Variants in ERICH1 observed in about 807,000 individuals in gnomAD.
ERICH1 encodes the protein glutamate-rich protein 1.
ERICH1 carries 56 observed loss-of-function variants against 39.6 expected under a neutral mutation model. The ratio of observed to expected loss-of-function variants is 1.41; its 90% CI spans 1.14 to 1.77. The LOEUF (loss-of-function observed/expected upper bound fraction) is 1.77, where lower values mean the gene tolerates loss of function less well. Among genes scored for constraint, ERICH1 ranks in the 40% most tolerant of loss-of-function variants. The pLI, the probability that ERICH1 is intolerant of heterozygous loss-of-function variation, is 0.00. For missense variants in ERICH1, 826 were observed against 575.4 expected (o/e 1.44, Z -4.45); for synonymous variants, 313 against 223.6 (o/e 1.40, Z -3.57).
rs139007476 is a variant in ERICH1, at chr8:681,379, C to G, written c.305-7332G>C. Among the ~76,000 whole-genome samples the G allele has an allele frequency of 3.8e-4, 58 of 152,354 alleles. 2 individuals are homozygous for G. In the East Asian group the frequency reaches 9.1e-3, roughly 24 times the overall value. The stretch of plus-strand genomic sequence containing the variant: ...CTGTCTTATTTAAAACACGTGCCTG[C>G]ATTTGTGGTGAGACATACCCAGCAG... On this transcript the variant is annotated intron_variant, in intron 3 of 5. Coordinates refer to ENST00000262109, the MANE Select transcript of ERICH1 (RefSeq NM_207332.3).
chr8:651,396 A>G (rs2117322111), intron 3 of ERICH1, among the ~76,000 whole-genome samples: 1 of 152,348 alleles, frequency 6.6e-6, no homozygotes, highest in Non-Finnish European at 1.5e-5. Flanking sequence ...TCCTTGGAGA[A>G]GCAGCTGATC....
downstream of ERICH1, among the ~76,000 whole-genome samples, chr8:663,916 C>T (rs1407724592): frequency 1.1e-4 from 16 of 152,100 alleles, no homozygotes; most frequent in Admixed American, 9.2e-4. Context: ...CCCGCCACCA[C>T]GCCCGGCTAA....
In ERICH1 at chr8:643,655, C is replaced by T. The variant is rs1024764264; in HGVS notation, c.976+24943G>A. ...GGACTTGGTGTTCATGTCTGTGTCT[C>T]GGGACTCTGAGCGATGGGACAGCAT... On this transcript the variant is annotated intron_variant, in intron 3 of 3. Transcript: ENST00000522706. Among the ~76,000 whole-genome samples, 7 of 152,220 alleles carry T rather than the reference C, an allele frequency of 4.6e-5. No homozygotes were observed. The East Asian group carries it at 1.2e-3, about 25-fold the overall frequency.
intron 3 of ERICH1, among the ~76,000 whole-genome samples, chr8:634,057 A>G (rs865873702): frequency 1.3e-5 from 2 of 152,158 alleles, no homozygotes; most frequent in African/African-American, 4.8e-5. Flanking sequence ...CATTTCGTCC[A>G]TCAAATGACA....
intron 3 of ERICH1, among the ~76,000 whole-genome samples, chr8:622,526 T>C (rs1393498618): frequency 1.3e-5 from 2 of 152,174 alleles, no homozygotes; most frequent in Non-Finnish European, 2.9e-5. Flanking sequence ...TCTTGGACTG[T>C]CCAGCCTCCA....
intron 3 of ERICH1, among the ~76,000 whole-genome samples, chr8:627,676 G>A (rs974694067): frequency 6.6e-6 from 1 of 152,224 alleles, no homozygotes; most frequent in Non-Finnish European, 1.5e-5. Context: ...GAACCCGAAA[G>A]CAAGGCCACA....
intron 1 of ERICH1, among the ~76,000 whole-genome samples, chr8:716,493 C>A (rs1816036389): frequency 6.6e-6 from 1 of 152,226 alleles, no homozygotes; most frequent in African/African-American, 2.4e-5. Flanking sequence ...TCTGGGAACC[C>A]ACGGTCTGCA....
chr8:723,822 T>A (rs1817921109), intron 1 of ERICH1, among the ~76,000 whole-genome samples: 1 of 152,264 alleles, frequency 6.6e-6, no homozygotes, highest in South Asian at 2.1e-4. Flanking sequence ...TGTGGGATTT[T>A]TTTTTCATTT....
chr8:700,968 G>A (rs11780544), intron 2 of ERICH1, among the ~76,000 whole-genome samples: 36,896 of 152,274 alleles, frequency 0.24, 4,663 homozygotes, highest in East Asian at 0.43. Flanking sequence ...AGGAAAAGCA[G>A]CCGAGAGGAA....
chr8:688,810 G>A (rs1443412900), intron 3 of ERICH1, among the ~76,000 whole-genome samples: 1 of 152,150 alleles, frequency 6.6e-6, no homozygotes, highest in African/African-American at 2.4e-5. Context: ...GGGTATCGAT[G>A]GGAAATCTCT....
intron 2 of ERICH1, among the ~76,000 whole-genome samples, chr8:694,447 T>C (rs1809663577): frequency 6.6e-6 from 1 of 152,180 alleles, no homozygotes; most frequent in Middle Eastern, 3.2e-3. Context: ...CACTTAATCA[T>C]TAGGATGGAC....
At chr8:694,222 C>T (rs1174857891) in intron 2 of ERICH1, among the ~76,000 whole-genome samples, 2 of 152,194 alleles carry the variant, frequency 1.3e-5, no homozygotes, top group Non-Finnish European at 2.9e-5. Flanking sequence ...GTGCCGGAAT[C>T]CTAGTTCTTA....
chr8:710,787 T>A (rs1183722580), intron 2 of ERICH1, among the ~76,000 whole-genome samples: 1 of 152,276 alleles, frequency 6.6e-6, no homozygotes, highest in South Asian at 2.1e-4. Flanking sequence ...CTGAAGGACA[T>A]CTTCGTTGCT....
rs1292281314 is a variant in ERICH1 at position 649,024 on chromosome 8, G to A, written c.976+19574C>T. On this transcript the variant is annotated intron_variant, in intron 3 of 3. Transcript: ENST00000522706. ...TGTTCAGGGATATTTGCATACTAGT[G>A]CAAATATGTTAAGCTCAGCAGGGTG... 2.9e-5 allele frequency among the ~76,000 whole-genome samples: 2 copies of A among 68,894 alleles called. 1 individual carries two copies. Among genetic ancestry groups the A allele is most frequent in the East Asian group, 5.9e-4 (2 of 3,376 alleles). 45.2% of individuals were successfully genotyped at this position (68,894 alleles called of 152,430 possible). A position where few individuals can be genotyped will look rare whatever the true frequency, so the allele number is the denominator to read the frequency against.
At chr8:717,429 G>A (rs996084373) in intron 1 of ERICH1, among the ~76,000 whole-genome samples, 6 of 152,204 alleles carry the variant, frequency 3.9e-5, no homozygotes, top group South Asian at 2.1e-4. Context: ...CAGGTGGTCT[G>A]TGAAATGCTT....
chr8:702,180 C>T (rs972345949), intron 2 of ERICH1, among the ~76,000 whole-genome samples: 9 of 151,992 alleles, frequency 5.9e-5, no homozygotes, highest in African/African-American at 9.7e-5. Flanking sequence ...AGACAAGCTC[C>T]GCAGAAACAC....
chr8:661,364 G>A (rs1801402251), downstream of ERICH1, among the ~76,000 whole-genome samples: 3 of 152,066 alleles, frequency 2.0e-5, no homozygotes, highest in East Asian at 1.9e-4. Flanking sequence ...ATTAGAGACC[G>A]GCTTGTGCAA....
intron 3 of ERICH1, among the ~76,000 whole-genome samples, chr8:682,544 T>C (rs538057740): frequency 8.5e-5 from 13 of 152,144 alleles, no homozygotes; most frequent in African/African-American, 3.1e-4. Flanking sequence ...ATGTGGGAGG[T>C]CTACGCCCTT....
At chr8:618,048 A>G (rs1481953287) in intron 3 of ERICH1, among the ~76,000 whole-genome samples, 11 of 134,228 alleles carry the variant, frequency 8.2e-5, no homozygotes, top group Middle Eastern at 6.1e-3. Flanking sequence ...TGAGTGCTCA[A>G]TGCTCAGTCT....
Sources: gnomAD v4.1 joint callset for allele counts (sites outside exome capture counted in the v4.1 genomes callset) on GRCh38, gnomAD v4.1.1 for gene constraint, MANE v1.5 for transcripts, NCBI Gene and HGNC (gene_info 2026-07-23, HGNC 2026-07-21) for gene names.